SLC1A2: variants seen among roughly 807,000 people sequenced by gnomAD.
SLC1A2 encodes the protein excitatory amino acid transporter 2.
A neutral mutation model predicts 48.8 loss-of-function variants in SLC1A2; 15 were observed. The observed-to-expected ratio is 0.31, with a 90% confidence interval of 0.21 to 0.47. The LOEUF is 0.47. SLC1A2 is among the 20% of genes least tolerant of loss of function. The pLI, the probability that SLC1A2 is intolerant of heterozygous loss-of-function variation, is 0.99. For synonymous variants in SLC1A2, 279 were observed against 272.6 expected (o/e 1.02, Z -0.23); for missense variants, 502 against 730.5 (o/e 0.69, Z 3.61).
intron 9 of SLC1A2, among the ~76,000 whole-genome samples, chr11:35,270,066 C>T (rs1366275178): frequency 6.6e-6 from 1 of 152,158 alleles, no homozygotes; most frequent in African/African-American, 2.4e-5. Context: ...AAGATTGTGC[C>T]ATTGCACTCC....
In SLC1A2 at chr11:35,256,099, T is replaced by C. The variant is rs974444474; in HGVS notation, c.*4795A>G. ...TTTAATCCAACCCCTTCACTTTTCA[T>C]ATGGGAGAAAATGAGGCTTGGACAC... is the stretch of plus-strand genomic sequence containing the variant. On this transcript the variant is annotated 3_prime_UTR_variant, in exon 11 of 11. Transcript: ENST00000278379. The C allele has an allele frequency of 2.6e-5, 4 of 152,284 alleles. No homozygotes were observed. In the South Asian group the frequency reaches 8.3e-4, roughly 32 times the overall value. 9.4% of individuals were successfully genotyped at this position (152,284 alleles called of 1,614,324 possible).
rs534070392 is a variant in SLC1A2 at position 35,280,797 on chromosome 11, C to T, written c.1421+70G>A. On this transcript the variant is annotated intron_variant, in intron 9 of 10. Coordinates refer to ENST00000278379, the MANE Select transcript of SLC1A2 (RefSeq NM_004171.4). ...GGATTAGCTAAGATCTTGGTTGCAA[C>T]CTTGCCACCTGTGCATCCCTAGGAG... 2.1e-5 allele frequency: 24 copies of T among 1,117,168 alleles called. No homozygotes were observed. In the East Asian group the frequency reaches 2.7e-4, roughly 13 times the overall value. 69.2% of individuals were successfully genotyped at this position (1,117,168 alleles called of 1,614,324 possible).
rs1192320414 is a variant in SLC1A2 at position 35,256,524 on chromosome 11, C to T, written c.*4370G>A. ...ATTGGCACTCAGTGATCCCTCTAGG[C>T]TTAACCAGAAATTACTACAGATACT... On this transcript the variant is annotated 3_prime_UTR_variant, in exon 11 of 11. Transcript: ENST00000278379. The T allele has an allele frequency of 1.3e-5, 2 of 152,566 alleles. No individual in the cohort carries two copies. The highest frequency in any genetic ancestry group is 2.9e-5 in the Non-Finnish European group (2 of 68,016). 9.5% of individuals were successfully genotyped at this position (152,566 alleles called of 1,614,324 possible). A position where few individuals can be genotyped will look rare whatever the true frequency, so the allele number is the denominator to read the frequency against.
At chr11:35,317,157 T>C (rs2134901278) in intron 2 of SLC1A2, 2 of 516,030 alleles carry the variant, frequency 3.9e-6, no homozygotes, top group South Asian at 3.3e-5. Context: ...AGATATTTAT[T>C]TGCAAAAAAT....
intron 10 of SLC1A2, among the ~76,000 whole-genome samples, chr11:35,264,295 A>G (rs986307181): frequency 2.0e-5 from 3 of 152,252 alleles, no homozygotes; most frequent in African/African-American, 4.8e-5. Context: ...GTTGCCCAGC[A>G]AGAGCCACAG....
chr11:35,261,070 G>A (rs1950387639), intron 10 of SLC1A2, 105 bp from the exon 11 acceptor site: 1 of 799,338 alleles, frequency 1.3e-6, no homozygotes, highest in East Asian at 2.5e-5. Context: ...CTACATGACT[G>A]AAATATTAGT....
At chr11:35,418,897 C>CCACCCCGCGCGT in intron 1 of SLC1A2, 53 bp downstream of exon 1, 1 of 1,524,032 alleles carries the variant, frequency 6.6e-7, no homozygotes, top group Non-Finnish European at 8.9e-7. Context: ...AGGGGCGCCA[C>CCACCCCGCGCGT]CACCCCGCGC....
At chr11:35,298,669 T>C (rs1851244900) in intron 6 of SLC1A2, 1 of 152,196 alleles carries the variant, frequency 6.6e-6, no homozygotes, top group Non-Finnish European at 1.5e-5. Context: ...ACTTTTTACC[T>C]CCCAAGATGA....
chr11:35,262,475 C>G (rs1950408392), intron 10 of SLC1A2, among the ~76,000 whole-genome samples: 1 of 152,206 alleles, frequency 6.6e-6, no homozygotes, highest in Non-Finnish European at 1.5e-5. Context: ...GCTCCAACCA[C>G]TTGGGTAATA....
At chr11:35,299,822 G>A (rs892083538) in intron 6 of SLC1A2, 1 of 152,230 alleles carries the variant, frequency 6.6e-6, no homozygotes, top group Non-Finnish European at 1.5e-5. Context: ...AAGTGGAAAA[G>A]GATCAGAAGA....
At chr11:35,277,127 C>T (rs952919207) in intron 9 of SLC1A2, among the ~76,000 whole-genome samples, 3 of 152,196 alleles carry the variant, frequency 2.0e-5, no homozygotes, top group Admixed American at 1.3e-4. Context: ...AAAGGCCACA[C>T]CTCTTAATAT....
chr11:35,379,782 T>C (rs1366525421), intron 1 of SLC1A2, among the ~76,000 whole-genome samples: 1 of 152,198 alleles, frequency 6.6e-6, no homozygotes, highest in Non-Finnish European at 1.5e-5. Flanking sequence ...AACCGGCCAA[T>C]TGAAAGCTTG....
chr11:35,312,115 G>T, intron 4 of SLC1A2, 83 bp downstream of exon 4: 1 of 1,378,894 alleles, frequency 7.3e-7, no homozygotes, highest in Non-Finnish European at 1.0e-6. Flanking sequence ...TCTACCCAGA[G>T]TTGGTCTGTT....
intron 9 of SLC1A2, among the ~76,000 whole-genome samples, chr11:35,272,712 C>A (rs1040467365): frequency 2.6e-5 from 4 of 152,196 alleles, no homozygotes; most frequent in African/African-American, 9.7e-5. Flanking sequence ...TAAAAGACAA[C>A]TTTTAGAGTG....
At chr11:35,293,311 A>G (rs889583616) in intron 6 of SLC1A2, among the ~76,000 whole-genome samples, 2 of 152,228 alleles carry the variant, frequency 1.3e-5, no homozygotes, top group East Asian at 3.8e-4. Flanking sequence ...GAAACTCCCA[A>G]CTGGGGGATT....
chr11:35,307,562 T>C (rs57339940), intron 4 of SLC1A2, among the ~76,000 whole-genome samples: 47,621 of 152,126 alleles, frequency 0.31, 8,378 homozygotes, highest in South Asian at 0.55. Context: ...TCCTAGATTG[T>C]CAGTGCTGGC....
intron 1 of SLC1A2, among the ~76,000 whole-genome samples, chr11:35,365,968 T>C (rs936456855): frequency 1.3e-5 from 2 of 152,204 alleles, no homozygotes; most frequent in Non-Finnish European, 2.9e-5. Flanking sequence ...AGGACAGGAA[T>C]GCTGCTAAAC....
chr11:35,279,616 G>A (rs1850557363), intron 9 of SLC1A2, among the ~76,000 whole-genome samples: 1 of 152,178 alleles, frequency 6.6e-6, no homozygotes, highest in South Asian at 2.1e-4. Flanking sequence ...TTATGATTCA[G>A]CTCAGCTACC....
chr11:35,282,016 G>GA (rs2134691355), intron 8 of SLC1A2: 1 of 152,240 alleles, frequency 6.6e-6, no homozygotes, highest in South Asian at 2.1e-4. Flanking sequence ...GCCATCAGTT[G>GA]ACCAAGCACA....
Sources: allele counts gnomAD v4.1 joint callset (sites outside exome capture counted in the v4.1 genomes callset), GRCh38; gene constraint gnomAD v4.1.1; transcripts MANE v1.5; gene names NCBI Gene and HGNC (gene_info 2026-07-23, HGNC 2026-07-21).